The following PDXDC1 variants were observed in gnomAD, a reference collection of about 807,000 sequenced individuals.
PDXDC1 encodes the protein pyridoxal dependent decarboxylase domain containing 1.
Under a neutral mutation model 100.1 loss-of-function variants are expected in PDXDC1, and 42 were observed. That is an observed-to-expected ratio of 0.42 (90% CI 0.33 to 0.54). The LOEUF is 0.54. PDXDC1 is among the 20% of genes least tolerant of loss of function. The pLI is 0.10. For missense variants in PDXDC1, 636 were observed against 979.2 expected (o/e 0.65, Z 4.68); for synonymous variants, 260 against 371.7 (o/e 0.70, Z 3.46).
At position 15,037,021 on chromosome 16, in the gene PDXDC1, TTAGTATCTGAAAACCTGA is replaced by T. The variant is rs1200190098; in HGVS notation, c.*750_*767del. On this transcript the variant is annotated 3_prime_UTR_variant, in exon 23 of 23. Transcript: ENST00000396410. ...AAGTACAGACTGTGCTCATTTCTGTTTAGTATCTGAAAACCTGATAGATGCTACCCTTAAGAGCTTGCT... is the reference window on the plus strand; with the variant it reads ...AAGTACAGACTGTGCTCATTTCTGTTTAGATGCTACCCTTAAGAGCTTGCT... 1 of 152,222 alleles carries T rather than the reference TTAGTATCTGAAAACCTGA, an allele frequency of 6.6e-6. No homozygotes were observed. The highest frequency in any genetic ancestry group is 2.4e-5 in the African/African-American group (1 of 41,448). The allele number at this position is 152,222 out of a possible 1,614,324, so 9.4% of individuals were successfully genotyped here.
chr16:15,049,587 C>T (rs1266358494), intron 16 of PDXDC1, among the ~76,000 whole-genome samples: 1 of 152,104 alleles, frequency 6.6e-6, no homozygotes, highest in East Asian at 1.9e-4. Context: ...CGCCACCATG[C>T]CCAGCTTTTC....
intron 16 of PDXDC1, among the ~76,000 whole-genome samples, chr16:15,069,447 C>G (rs1461087050): frequency 6.6e-6 from 1 of 152,204 alleles, no homozygotes; most frequent in East Asian, 1.9e-4. Flanking sequence ...CTTGGAGACT[C>G]TCTTCAACTA....
rs554154485 is a variant in PDXDC1 at position 15,036,999 on chromosome 16, T to C, written c.*724T>C. 1 of 152,544 alleles carries C rather than the reference T, an allele frequency of 6.6e-6. No individual in the cohort carries two copies. The highest frequency in any genetic ancestry group is 2.1e-4 in the South Asian group (1 of 4,844). The allele number at this position is 152,544 out of a possible 1,614,324, so 9.4% of individuals were successfully genotyped here. ...AAAGCTTTTAAAATTGGCACACAAG[T>C]ACAGACTGTGCTCATTTCTGTTTAG... is the stretch of plus-strand genomic sequence containing the variant. On this transcript the variant is annotated 3_prime_UTR_variant, in exon 23 of 23. Coordinates refer to ENST00000396410, the MANE Select transcript of PDXDC1 (RefSeq NM_015027.4).
At position 15,086,224 on chromosome 16, in the gene PDXDC1, A is replaced by T. The variant is rs771535028; in HGVS notation, c.1400-52655A>T. On this transcript the variant is annotated intron_variant, in intron 16 of 16. Transcript: ENST00000535621. ...ACCAAGAAAAGCCAAATACTCTTCC[A>T]CTACTGTTTGACTTCTATTCAACCA... is the stretch of plus-strand genomic sequence containing the variant. 3 of 1,584,636 alleles carry T rather than the reference A, an allele frequency of 1.9e-6. No homozygotes were observed. In the African/African-American group the frequency reaches 4.1e-5, roughly 22 times the overall value.
At chr16:15,091,362 T>C (rs1217169731) in intron 16 of PDXDC1, 2 of 1,590,258 alleles carry the variant, frequency 1.3e-6, no homozygotes, top group Non-Finnish European at 1.7e-6. Context: ...TCAAAGTCAT[T>C]TGTTTCACCC....
At chr16:14,984,489 ATATATATTTT>A (rs1968833693) in intron 1 of PDXDC1, among the ~76,000 whole-genome samples, 2 of 87,608 alleles carry the variant, frequency 2.3e-5, no homozygotes, top group East Asian at 9.3e-4. Context: ...ATATATATAT[ATATATATTTT>A]TTTTTTTTTT....
intron 5 of PDXDC1, among the ~76,000 whole-genome samples, chr16:15,005,195 A>G (rs1973990357): frequency 6.6e-6 from 1 of 152,270 alleles, no homozygotes; most frequent in Non-Finnish European, 1.5e-5. Context: ...TGTCTCTACT[A>G]AAAATACAAA....
intron 11 of PDXDC1, among the ~76,000 whole-genome samples, chr16:15,018,515 A>C (rs1001747095): frequency 6.6e-6 from 1 of 152,304 alleles, no homozygotes; most frequent in Non-Finnish European, 1.5e-5. Flanking sequence ...CTCAGCTAAT[A>C]ATGGCCAGGT....
rs1304293930 is a variant in PDXDC1, at chr16:15,033,422, C to T, written c.1812+23C>T. On this transcript the variant is annotated intron_variant, in intron 19 of 22. Transcript: ENST00000396410. ...AGGGTCCGTAGCACCCATCAGTGTT[C>T]ATTCCTCTTCTGAGTTTTGTCCCAC... The T allele has an allele frequency of 6.2e-6, 10 of 1,610,194 alleles. No homozygotes were observed. The African/African-American group carries it at 1.2e-4, about 19-fold the overall frequency.
intron 17 of PDXDC1, 159 bp from the exon 18 acceptor site, chr16:15,032,701 CA>C (rs2043141975): frequency 2.0e-6 from 1 of 505,692 alleles, no homozygotes; most frequent in Non-Finnish European, 3.5e-6. Flanking sequence ...TTACTCCTGG[CA>C]CACTTCCAGA....
In PDXDC1 at chr16:14,980,088, G is replaced by A. The variant is rs373140811; in HGVS notation, c.21+4868G>A. Reference sequence around the variant, plus strand: ...CTGTCAGGGAAAACTGATGGGACTCGGCCATAGTACAAAGTTCCTGATCCT... The same window carrying A: ...CTGTCAGGGAAAACTGATGGGACTCAGCCATAGTACAAAGTTCCTGATCCT... On this transcript the variant is annotated intron_variant, in intron 1 of 22. Transcript: ENST00000396410. 2.5e-3 allele frequency among the ~76,000 whole-genome samples: 375 copies of A among 152,364 alleles called. 18 individuals are homozygous for A. In the South Asian group the frequency reaches 0.076, roughly 31 times the overall value.
At chr16:14,984,782 G>A (rs1210278311) in intron 1 of PDXDC1, among the ~76,000 whole-genome samples, 14 of 152,158 alleles carry the variant, frequency 9.2e-5, no homozygotes, top group African/African-American at 2.2e-4. Context: ...ATGAGCCACC[G>A]CTGCCAGCCA....
chr16:15,058,240 G>C (rs1450818231), intron 16 of PDXDC1, among the ~76,000 whole-genome samples: 1 of 152,018 alleles, frequency 6.6e-6, no homozygotes, highest in African/African-American at 2.4e-5. Flanking sequence ...GCTGCAATGA[G>C]GCACGACTGT....
chr16:15,048,285 A>T (rs940826349), intron 16 of PDXDC1, among the ~76,000 whole-genome samples: 1 of 152,190 alleles, frequency 6.6e-6, no homozygotes, highest in Non-Finnish European at 1.5e-5. Flanking sequence ...TGCAGAGAAA[A>T]CGATGCGGTT....
chr16:15,083,242 T>C (rs563338722), intron 16 of PDXDC1, among the ~76,000 whole-genome samples: 1 of 152,016 alleles, frequency 6.6e-6, no homozygotes, highest in East Asian at 1.9e-4. Context: ...CTACTAAAAA[T>C]ACAAAAATTA....
chr16:15,002,112 A>G (rs1973294326), intron 4 of PDXDC1, among the ~76,000 whole-genome samples: 1 of 152,250 alleles, frequency 6.6e-6, no homozygotes, highest in Non-Finnish European at 1.5e-5. Flanking sequence ...CTGAAGAGTG[A>G]GTGTCGGATG....
intron 16 of PDXDC1, among the ~76,000 whole-genome samples, chr16:15,056,840 C>G (rs2044542266): frequency 6.6e-6 from 1 of 151,976 alleles, no homozygotes; most frequent in African/African-American, 2.4e-5. Flanking sequence ...CTGTGCTAGC[C>G]CCACGTACTA....
chr16:15,095,725 C>G (rs1438094624), intron 16 of PDXDC1, among the ~76,000 whole-genome samples: 1 of 152,022 alleles, frequency 6.6e-6, no homozygotes, highest in Non-Finnish European at 1.5e-5. Context: ...GTGGCAGTGC[C>G]TGTAATCCCA....
chr16:15,094,497 GAAGA>G (rs2046281145), intron 16 of PDXDC1: 1 of 540,364 alleles, frequency 1.9e-6, no homozygotes, highest in African/African-American at 2.0e-5. Context: ...TGAGGATCCC[GAAGA>G]AAGGGTGGAA....
Sources: allele counts gnomAD v4.1 joint callset (sites outside exome capture counted in the v4.1 genomes callset), GRCh38; gene constraint gnomAD v4.1.1; transcripts MANE v1.5; gene names NCBI Gene and HGNC (gene_info 2026-07-23, HGNC 2026-07-21).